Variants in CEP85L observed in about 807,000 individuals in gnomAD.
CEP85L encodes the protein centrosomal protein 85L.
In CEP85L, 60 loss-of-function variants were observed where a neutral mutation model predicts 100.3. The ratio of observed to expected loss-of-function variants is 0.60; its 90% confidence interval spans 0.49 to 0.74. CEP85L has a LOEUF of 0.74. Ranked by LOEUF, CEP85L falls within the 30% of genes least tolerant of loss-of-function variation. The probability of loss-of-function intolerance (pLI) is 0.00; values close to 1 mark genes in which losing one functional copy is unlikely to be tolerated. For missense variants in CEP85L, 973 were observed against 936.2 expected (o/e 1.04, Z -0.51); for synonymous variants, 319 against 322.7 (o/e 0.99, Z 0.12).
intron 1 of CEP85L, among the ~76,000 whole-genome samples, chr6:118,661,569 A>G (rs1305974954): frequency 2.0e-5 from 3 of 152,112 alleles, no homozygotes; most frequent in Non-Finnish European, 4.4e-5. Context: ...TTTAGGACTA[A>G]TGCATTAGTA....
At chr6:118,501,832 G>A (rs138267665) in intron 5 of CEP85L, 3 of 1,215,966 alleles carry the variant, frequency 2.5e-6, no homozygotes, top group Non-Finnish European at 3.5e-6. Context: ...GAGAGAGAGA[G>A]GACTCTGGAG....
At chr6:118,547,357 G>A (rs1778268056) in intron 3 of CEP85L, among the ~76,000 whole-genome samples, 2 of 151,996 alleles carry the variant, frequency 1.3e-5, no homozygotes, top group South Asian at 4.1e-4. Context: ...GTAATTTTCA[G>A]GAAAGCAACT....
intron 3 of CEP85L, chr6:118,558,750 T>C: frequency 1.5e-6 from 1 of 654,052 alleles, no homozygotes; most frequent in Non-Finnish European, 2.7e-6. Context: ...GATGAATTAG[T>C]GTAAAATTGT....
At chr6:118,479,977 T>C in intron 9 of CEP85L, 56 bp from the exon 10 acceptor site, 2 of 883,962 alleles carry the variant, frequency 2.3e-6, no homozygotes, top group Non-Finnish European at 3.5e-6. Context: ...TTCTTAAAAG[T>C]ACCAACATTT....
chr6:118,596,852 C>T (rs189213297), intron 2 of CEP85L, among the ~76,000 whole-genome samples: 11 of 152,196 alleles, frequency 7.2e-5, no homozygotes, highest in Admixed American at 3.3e-4. Flanking sequence ...TTCCTTATGC[C>T]TCTTTCCTAG....
At position 118,565,937 on chromosome 6, in the gene CEP85L, TA is replaced by T; in HGVS notation, c.611del (p.Leu204TyrfsTer10). On this transcript the variant is annotated frameshift_variant, in exon 3 of 13. Transcript: ENST00000368491. LOFTEE classifies it high-confidence loss of function. ...ACCTAAGCATCTCCATACTATCATGTAAACAGCTAGGCCCAATTGTCCTCAG... is the reference window on the plus strand; with the variant it reads ...ACCTAAGCATCTCCATACTATCATGTAACAGCTAGGCCCAATTGTCCTCAG... ...SQLRTIGPSC[L>X]HDSMEMLRLE... 6.2e-7 allele frequency: 1 copy of T among 1,614,216 alleles called. No individual in the cohort carries two copies. Among genetic ancestry groups the T allele is most frequent in the Non-Finnish European group, 8.5e-7 (1 of 1,180,032 alleles).
intron 10 of CEP85L, among the ~76,000 whole-genome samples, chr6:118,472,540 A>G (rs7772214): frequency 6.6e-6 from 1 of 151,852 alleles, no homozygotes; most frequent in East Asian, 1.9e-4. Context: ...TTGTATTAAG[A>G]TATGTTTAAA....
At chr6:118,536,281 G>A (rs1180089413) in intron 3 of CEP85L, among the ~76,000 whole-genome samples, 1 of 152,146 alleles carries the variant, frequency 6.6e-6, no homozygotes, top group Non-Finnish European at 1.5e-5. Flanking sequence ...CAGAACAGTA[G>A]AGATGGGTAG....
intron 1 of CEP85L, among the ~76,000 whole-genome samples, chr6:118,708,099 A>AAT (rs1562370161): frequency 6.6e-6 from 1 of 152,232 alleles, no homozygotes; most frequent in Non-Finnish European, 1.5e-5. Context: ...AAAAGGTCGG[A>AAT]ATATATAGAC....
At chr6:118,630,876 C>T (rs1208826218) in intron 2 of CEP85L, among the ~76,000 whole-genome samples, 1 of 152,190 alleles carries the variant, frequency 6.6e-6, no homozygotes, top group African/African-American at 2.4e-5. Flanking sequence ...GAAGCACAAA[C>T]CCACTGCACA....
rs202119750 is a variant in CEP85L at position 118,553,154 on chromosome 6, C to CTATTT, written c.1020+12370_1020+12374dup. Among the ~76,000 whole-genome samples, 56 of 150,276 alleles carry CTATTT rather than the reference C, an allele frequency of 3.7e-4. No homozygotes were observed. The East Asian group carries it at 0.011, about 28-fold the overall frequency. On this transcript the variant is annotated intron_variant, in intron 3 of 12. Transcript: ENST00000368491. ...CAGATAACATGAAAATAAAACTAAA[C>CTATTT]TATTTTTGTATGCTTTCCATCGAAA...
intron 1 of CEP85L, among the ~76,000 whole-genome samples, chr6:118,682,399 A>G (rs1776693809): frequency 6.6e-6 from 1 of 151,982 alleles, no homozygotes; most frequent in African/African-American, 2.4e-5. Flanking sequence ...TTACTAATTC[A>G]TTGCTTTCTT....
intron 2 of CEP85L, among the ~76,000 whole-genome samples, chr6:118,574,819 C>T (rs1239950346): frequency 1.3e-5 from 2 of 152,108 alleles, no homozygotes; most frequent in Non-Finnish European, 2.9e-5. Flanking sequence ...AAGTGCGAAG[C>T]GAGTGTGGAG....
intron 2 of CEP85L, among the ~76,000 whole-genome samples, chr6:118,588,057 T>A (rs1344632244): frequency 2.0e-5 from 3 of 152,230 alleles, no homozygotes; most frequent in African/African-American, 7.2e-5. Context: ...TCTCAACTTA[T>A]TAAATTCTAC....
At chr6:118,651,117 A>T in intron 1 of CEP85L, 80 bp downstream of exon 1, 2 of 1,428,244 alleles carry the variant, frequency 1.4e-6, no homozygotes, top group Non-Finnish European at 1.8e-6. Context: ...CTGAGGCGGG[A>T]GGGGAGCGGC....
At chr6:118,648,877 T>G (rs1477926485) in intron 1 of CEP85L, among the ~76,000 whole-genome samples, 1 of 152,234 alleles carries the variant, frequency 6.6e-6, no homozygotes, top group Non-Finnish European at 1.5e-5. Flanking sequence ...AAACTCATTT[T>G]AATACCAGAA....
chr6:118,511,358 A>C lies in CEP85L; in HGVS notation c.1197T>G (p.Ala399=), dbSNP rs747628557. 3 of 1,613,184 alleles carry C rather than the reference A, an allele frequency of 1.9e-6. No homozygotes were observed. In the South Asian group the frequency reaches 3.3e-5, roughly 18 times the overall value. The part of the protein sequence containing the change: ...HERIRDNELR[A]QHAMLGHYVN... ...CATAATGTCCTAACATGGCATGTTG[A>C]GCCCGTAATTCATTATCCCTTATCC... is the stretch of plus-strand genomic sequence containing the variant. Residue 399 remains alanine (A), a synonymous_variant, in exon 5 of 13, where the codon GCT becomes GCG. Transcript: ENST00000368491.
intron 1 of CEP85L, among the ~76,000 whole-genome samples, chr6:118,680,950 G>C (rs187246231): frequency 6.6e-6 from 1 of 152,042 alleles, no homozygotes; most frequent in East Asian, 1.9e-4. Context: ...CTGACAACGA[G>C]GAGGAGTTTA....
chr6:118,569,913 C>CA (rs1779785090), intron 2 of CEP85L, among the ~76,000 whole-genome samples: 1 of 152,044 alleles, frequency 6.6e-6, no homozygotes, highest in South Asian at 2.1e-4. Flanking sequence ...AAGATACATT[C>CA]TCTATCATAT....
Sources: allele counts gnomAD v4.1 joint callset (sites outside exome capture counted in the v4.1 genomes callset), GRCh38; gene constraint gnomAD v4.1.1; transcripts MANE v1.5; gene names NCBI Gene and HGNC (gene_info 2026-07-23, HGNC 2026-07-21).